Variants in STK32B observed in about 807,000 individuals in gnomAD.
STK32B encodes the protein serine/threonine-protein kinase 32B.
A neutral mutation model predicts 52.6 loss-of-function variants in STK32B; 43 were observed. The observed-to-expected ratio is 0.82, with a 90% confidence interval of 0.64 to 1.05. STK32B has a LOEUF of 1.05. Ranked by LOEUF, STK32B falls within the 50% of genes least tolerant of loss-of-function variation. The pLI, the probability that STK32B is intolerant of heterozygous loss-of-function variation, is 0.00. For missense variants in STK32B, 621 were observed against 534.6 expected, an observed-to-expected ratio of 1.16 and a Z score of -1.59; for synonymous variants, 238 against 204.3, an observed-to-expected ratio of 1.17 and a Z score of -1.41.
intron 3 of STK32B, among the ~76,000 whole-genome samples, chr4:5,316,809 ATTATATATTATATCATATATATT>A (rs1730878206): frequency 2.4e-4 from 2 of 8,202 alleles, no homozygotes; most frequent in Non-Finnish European, 3.3e-4. Flanking sequence ...TATTATATAT[ATTATATATTATATCATATATATT>A]ATATATTATA....
intron 1 of STK32B, among the ~76,000 whole-genome samples, chr4:5,087,884 G>C (rs1577059880): frequency 6.6e-6 from 1 of 151,980 alleles, no homozygotes; most frequent in East Asian, 1.9e-4. Flanking sequence ...AAAATGAAAA[G>C]AGCAACTAGA....
intron 5 of STK32B, among the ~76,000 whole-genome samples, chr4:5,410,225 G>C (rs1711555907): frequency 6.6e-6 from 1 of 152,182 alleles, no homozygotes; most frequent in African/African-American, 2.4e-5. Flanking sequence ...GGGAGCTGAA[G>C]GGCCCACAGC....
chr4:5,180,665 C>G (rs976156731), intron 3 of STK32B, among the ~76,000 whole-genome samples: 2 of 152,156 alleles, frequency 1.3e-5, no homozygotes, highest in Non-Finnish European at 2.9e-5. Context: ...AGGACACCAC[C>G]GCTTTATATT....
At chr4:5,463,467 C>T (rs1415756624) in intron 9 of STK32B, among the ~76,000 whole-genome samples, 1 of 129,340 alleles carries the variant, frequency 7.7e-6, no homozygotes, top group Non-Finnish European at 1.8e-5. Flanking sequence ...CACTGATGCA[C>T]ACTCACACAC....
At chr4:5,358,611 T>G (rs1348332539) in intron 4 of STK32B, among the ~76,000 whole-genome samples, 1 of 152,020 alleles carries the variant, frequency 6.6e-6, no homozygotes, top group African/African-American at 2.4e-5. Flanking sequence ...GCTTCAATCC[T>G]TGTGGAAGGA....
intron 2 of STK32B, among the ~76,000 whole-genome samples, chr4:5,166,446 C>T (rs148002356): frequency 1.4e-4 from 21 of 148,902 alleles, no homozygotes; most frequent in Admixed American, 2.7e-4. Flanking sequence ...GAAATGGCGT[C>T]ATTTTAAGTG....
In STK32B at chr4:5,492,982, A is replaced by G. The variant is rs566500802; in HGVS notation, c.1107-5963A>G. On this transcript the variant is annotated intron_variant, in intron 11 of 11. Transcript: ENST00000282908. ...GTGCTGCTGGATTCGGTTTGCCAGT[A>G]TTATTTTATTGAGGATTTTTGCATC... 3.8e-4 allele frequency among the ~76,000 whole-genome samples: 58 copies of G among 151,390 alleles called. 3 individuals carry two copies. The highest frequency in any genetic ancestry group is 1.4e-3 in the African/African-American group (55 of 40,718).
In STK32B at chr4:5,498,920, A is replaced by G. The variant is rs761462966; in HGVS notation, c.1107-25A>G. On this transcript the variant is annotated intron_variant, in intron 11 of 11. Transcript: ENST00000282908. ...CTCCACAACCCCATGCCGCACCACTAACTCAGATCTGTGCTTGTTTGCAGG... is the reference window on the plus strand; with the variant it reads ...CTCCACAACCCCATGCCGCACCACTGACTCAGATCTGTGCTTGTTTGCAGG... 7.5e-6 allele frequency: 12 copies of G among 1,602,286 alleles called. No individual in the cohort carries two copies. The South Asian group carries it at 1.1e-4, about 15-fold the overall frequency.
chr4:5,063,373 C>T (rs534165673), intron 1 of STK32B, among the ~76,000 whole-genome samples: 10 of 152,094 alleles, frequency 6.6e-5, no homozygotes, highest in East Asian at 1.9e-4. Context: ...GAGAGAGTCT[C>T]GCTCTGTCAC....
In STK32B at chr4:5,399,479, A is replaced by C. The variant is rs1425267730; in HGVS notation, c.472+1235A>C. Among the ~76,000 whole-genome samples the C allele has an allele frequency of 6.6e-6, 1 of 152,162 alleles. No individual in the cohort carries two copies. Among genetic ancestry groups the C allele is most frequent in the Non-Finnish European group, 1.5e-5 (1 of 68,024 alleles). On this transcript the variant is annotated intron_variant, in intron 5 of 11. Transcript: ENST00000282908. The surrounding 1 kb of genome is among the most constrained non-coding windows in gnomAD (Gnocchi z 5.4). ...TGCATCAGATGCTGGAACCAGACTA[A>C]GTGCTTTGGGGGCAGTAGGATTGAA...
At chr4:5,019,542 G>A in the STK32B span, 11 of 1,294,390 alleles carry the variant, frequency 8.5e-6, no homozygotes, top group African/African-American at 1.3e-4. Context: ...TGGGGCCAGC[G>A]CAGGCTGCGG....
At position 5,399,689 on chromosome 4, in the gene STK32B, A is replaced by G. The variant is rs1350207740; in HGVS notation, c.472+1445A>G. ...CCAGCCAGCTGAATGTCCTTGGGCC[A>G]GTGGCTGTACCTCCGTGTCTCAGCC... On this transcript the variant is annotated intron_variant, in intron 5 of 11. Coordinates refer to ENST00000282908, the MANE Select transcript of STK32B (RefSeq NM_018401.3). The surrounding 1 kb of genome is among the most constrained non-coding windows in gnomAD (Gnocchi z 5.4). Among the ~76,000 whole-genome samples, 1 of 152,212 alleles carries G rather than the reference A, an allele frequency of 6.6e-6. No homozygotes were observed. The highest frequency in any genetic ancestry group is 6.5e-5 in the Admixed American group (1 of 15,290).
At chr4:5,021,812 C>T in the STK32B span, among the ~76,000 whole-genome samples, 3 of 152,134 alleles carry the variant, frequency 2.0e-5, no homozygotes, top group Non-Finnish European at 4.4e-5. Context: ...GAGTAAGTGG[C>T]TGTAGCCATA....
chr4:5,196,465 A>G (rs1344018607), intron 3 of STK32B, among the ~76,000 whole-genome samples: 3 of 150,280 alleles, frequency 2.0e-5, no homozygotes, highest in East Asian at 3.9e-4. Flanking sequence ...GCTGACGCCT[A>G]TAATCCCAGC....
the STK32B span, among the ~76,000 whole-genome samples, chr4:5,022,995 G>A: frequency 6.6e-6 from 1 of 151,854 alleles, no homozygotes; most frequent in African/African-American, 2.4e-5. Context: ...GGGTAGGTAT[G>A]AAGGCATGTG....
At chr4:5,171,553 A>T (rs1577137438) in intron 3 of STK32B, among the ~76,000 whole-genome samples, 1 of 152,140 alleles carries the variant, frequency 6.6e-6, no homozygotes. Flanking sequence ...AGCACCATTT[A>T]TTAAGTAGGG....
chr4:5,266,010 G>T (rs1727034001), intron 3 of STK32B, among the ~76,000 whole-genome samples: 1 of 152,084 alleles, frequency 6.6e-6, no homozygotes, highest in African/African-American at 2.4e-5. Flanking sequence ...TTTTGTTTCA[G>T]TTCTTTAAGG....
intron 3 of STK32B, among the ~76,000 whole-genome samples, chr4:5,194,155 C>A: frequency 6.6e-6 from 1 of 152,232 alleles, no homozygotes; most frequent in East Asian, 1.9e-4. Context: ...AATGTGTTTT[C>A]TTACTTCTTT....
chr4:5,180,261 A>G (rs934314817), intron 3 of STK32B, among the ~76,000 whole-genome samples: 7 of 152,194 alleles, frequency 4.6e-5, no homozygotes, highest in African/African-American at 7.2e-5. Flanking sequence ...CAGACTCACC[A>G]TGTCCTAATG....
Sources: allele counts gnomAD v4.1 joint callset (sites outside exome capture counted in the v4.1 genomes callset), GRCh38; gene constraint gnomAD v4.1.1; non-coding constraint Gnocchi (gnomAD v3.1); transcripts MANE v1.5; gene names NCBI Gene and HGNC (gene_info 2026-07-23, HGNC 2026-07-21).